KDM5A: variants seen among roughly 807,000 people sequenced by gnomAD.
The protein encoded by KDM5A is lysine-specific demethylase 5A.
In KDM5A, 42 loss-of-function variants were observed where a neutral mutation model predicts 193.5. The observed-to-expected ratio is 0.22, with a 90% CI of 0.17 to 0.28. The LOEUF is 0.28. KDM5A is among the 10% of genes least tolerant of loss of function. The pLI, the probability that KDM5A is intolerant of heterozygous loss-of-function variation, is 1.00. For synonymous variants in KDM5A, 796 were observed against 718.1 expected (o/e 1.11, Z -1.73); for missense variants, 1,692 against 2,055.1 (o/e 0.82, Z 3.42).
At chr12:295,266 A>AAGGAAAAAGCAAAG (rs1555126407) in intron 26 of KDM5A, among the ~76,000 whole-genome samples, 5 of 149,064 alleles carry the variant, frequency 3.4e-5, no homozygotes, top group African/African-American at 1.2e-4. Context: ...GAGAAAGGGG[A>AAGGAAAAAGCAAAG]AGGAAAAAGG....
chr12:298,889 A>C (rs866567498), intron 24 of KDM5A, among the ~76,000 whole-genome samples: 1 of 152,102 alleles, frequency 6.6e-6, no homozygotes, highest in South Asian at 2.1e-4. Context: ...ACAGCACGAG[A>C]ACTTCGTGAA....
At position 309,898 on chromosome 12, in the gene KDM5A, C is replaced by T. The variant is rs1354074967; in HGVS notation, c.3283G>A (p.Glu1095Lys). 2 of 1,613,538 alleles carry T rather than the reference C, an allele frequency of 1.2e-6. No individual in the cohort carries two copies. The change falls in exon 22 of 28, where the codon GAA (glutamate) becomes AAA (lysine). Residue 1095 changes from glutamate to lysine, a missense_variant. Coordinates refer to ENST00000399788, the MANE Select transcript of KDM5A (RefSeq NM_001042603.3). ...TTTTCTTTTTCTTTTTCTATTAGTT[C>T]TTTTACTTTTTTCCTCCTATTTTTG... ...SGKNRRKKVKELIEKEKEKDL... is the reference protein window; with the variant it reads ...SGKNRRKKVKKLIEKEKEKDL...
chr12:323,812 T>A (rs374201991), intron 14 of KDM5A, 31 bp from the exon 15 acceptor site: 7 of 1,571,052 alleles, frequency 4.5e-6, no homozygotes, highest in Non-Finnish European at 6.1e-6. Flanking sequence ...CTAGATCAAG[T>A]CTTTCTAGTC....
At position 281,546 on chromosome 12, in the gene KDM5A, G is replaced by A. The variant is rs1177643509; in HGVS notation, c.*3910C>T. Reference sequence around the variant, plus strand: ...AGTAATGGTATGACTTAAAAAAAAAGGAGGAATTTCAAAAGGAGTACTTAA... The same window carrying A: ...AGTAATGGTATGACTTAAAAAAAAAAGAGGAATTTCAAAAGGAGTACTTAA... On this transcript the variant is annotated 3_prime_UTR_variant, in exon 28 of 28. Coordinates refer to ENST00000399788, the MANE Select transcript of KDM5A (RefSeq NM_001042603.3). The A allele has an allele frequency of 4.3e-6, 1 of 232,948 alleles. No homozygotes were observed. Among genetic ancestry groups the A allele is most frequent in the African/African-American group, 2.2e-5 (1 of 45,304 alleles). 14.4% of individuals were successfully genotyped at this position (232,948 alleles called of 1,614,324 possible).
rs1358942941 is a variant in KDM5A, at chr12:295,759, G to A, written c.4269C>T (p.Ser1423=). Residue 1423 remains serine (S), a synonymous_variant, in exon 26 of 28, where the codon AGC becomes AGT. Transcript: ENST00000399788. ...GTTCCAAACTTCGGGGCACCAAAGG[G>A]CTCTTCCGAGGTTGTTTCCTTGGGG... ...SSTPRKQPRK[S]PLVPRSLEPP... is the part of the protein sequence containing the mutation. 1 of 1,613,984 alleles carries A rather than the reference G, an allele frequency of 6.2e-7. No individual in the cohort carries two copies. Among genetic ancestry groups the A allele is most frequent in the Non-Finnish European group, 8.5e-7 (1 of 1,179,968 alleles).
At chr12:337,424 T>C (rs1943948185) in intron 10 of KDM5A, among the ~76,000 whole-genome samples, 2 of 152,210 alleles carry the variant, frequency 1.3e-5, no homozygotes, top group Admixed American at 1.3e-4. Flanking sequence ...GCTACAAGAA[T>C]GTAAAAGGTA....
intron 3 of KDM5A, among the ~76,000 whole-genome samples, chr12:382,252 A>G (rs1944583411): frequency 6.6e-6 from 1 of 151,974 alleles, no homozygotes. Flanking sequence ...ACCAACATGG[A>G]GAAACCCTGT....
intron 3 of KDM5A, among the ~76,000 whole-genome samples, chr12:370,228 A>G (rs1397823255): frequency 6.6e-6 from 1 of 152,124 alleles, no homozygotes; most frequent in African/African-American, 2.4e-5. Flanking sequence ...CCCTGTCTCT[A>G]CTAAAAATAC....
intron 24 of KDM5A, among the ~76,000 whole-genome samples, chr12:299,656 C>A (rs961793334): frequency 3.9e-5 from 6 of 152,096 alleles, no homozygotes; most frequent in Non-Finnish European, 7.4e-5. Context: ...GGCAAAATAA[C>A]CAGCTAACAT....
intron 15 of KDM5A, among the ~76,000 whole-genome samples, 173 bp from the exon 16 acceptor site, chr12:323,379 C>T (rs11834271): frequency 0.1 from 15,911 of 152,082 alleles, 1,760 homozygotes; most frequent in East Asian, 0.35. Context: ...GCCCACACTT[C>T]TTAATTCAGG....
chr12:321,032 C>T lies in KDM5A; in HGVS notation c.2504G>A (p.Ser835Asn). The T allele has an allele frequency of 6.2e-7, 1 of 1,614,142 alleles. No individual in the cohort carries two copies. ...ELKAFVQQLF[S>N]LPCVISQARQ... The stretch of plus-strand genomic sequence containing the variant: ...AGCTTGGCTGATGACACACGGAAGA[C>T]TAAAAAGTTGTTGGACAAAGGCCTT... The change falls in exon 18 of 28, where the codon AGT (serine) becomes AAT (asparagine). Residue 835 changes from serine to asparagine, a missense_variant. Transcript: ENST00000399788.
intron 19 of KDM5A, among the ~76,000 whole-genome samples, chr12:316,965 C>T (rs1259307951): frequency 2.0e-5 from 3 of 152,278 alleles, no homozygotes; most frequent in East Asian, 1.9e-4. Flanking sequence ...TATGTGATCT[C>T]TCCAGGCACC....
chr12:388,924 T>C lies in KDM5A; in HGVS notation c.165+3A>G. 2 of 1,614,118 alleles carry C rather than the reference T, an allele frequency of 1.2e-6. No individual in the cohort carries two copies. Among genetic ancestry groups the C allele is most frequent in the Non-Finnish European group, 1.7e-6 (2 of 1,180,026 alleles). On this transcript the variant is annotated splice_donor_region_variant and intron_variant, in intron 1 of 27. Coordinates refer to ENST00000399788, the MANE Select transcript of KDM5A (RefSeq NM_001042603.3). ...CCCCCTCTCTCTTCACAGACTGAGG[T>C]ACCTTGGGCGGCCGAATTTTGCAGA...
chr12:352,416 C>A, intron 8 of KDM5A, 92 bp from the exon 9 acceptor site: 1 of 1,173,020 alleles, frequency 8.5e-7, no homozygotes, highest in East Asian at 2.4e-5. Context: ...GATCATTTCC[C>A]TAGGTAAAGT....
At chr12:388,885 C>T (rs747545093) in intron 1 of KDM5A, 42 bp downstream of exon 1, 1 of 1,604,910 alleles carries the variant, frequency 6.2e-7, no homozygotes, top group South Asian at 1.1e-5. Flanking sequence ...ACGGACTCCC[C>T]CATTCTTCCT....
At position 313,189 on chromosome 12, in the gene KDM5A, C is replaced by T. The variant is rs1943611014; in HGVS notation, c.2903G>A (p.Arg968Lys). ...GCTTTCTAAACTTGCCACACTGTGC[C>T]TCGGTCTAAAAGAACAATAAAAACA... is the stretch of plus-strand genomic sequence containing the variant. ...KAKVCLQARP[R>K]HSVASLESIV... The change falls in exon 20 of 28, where the codon AGG becomes AAG. Residue 968 changes from arginine to lysine, a missense_variant. By Grantham distance (26) the Arg-to-Lys change is conservative. Transcript: ENST00000399788. The T allele has an allele frequency of 6.2e-7, 1 of 1,614,038 alleles. No individual in the cohort carries two copies. The highest frequency in any genetic ancestry group is 1.1e-5 in the South Asian group (1 of 91,076).
At chr12:361,523 G>A (rs1565546429) in intron 5 of KDM5A, among the ~76,000 whole-genome samples, 3 of 152,016 alleles carry the variant, frequency 2.0e-5, no homozygotes. Flanking sequence ...ATAAAGAAAA[G>A]CATTAGGAAT....
Position 311,004 on chromosome 12 carries a change from T to C in KDM5A, c.3097A>G (p.Ile1033Val). 1 of 1,614,234 alleles carries C rather than the reference T, an allele frequency of 6.2e-7. No individual in the cohort carries two copies. The highest frequency in any genetic ancestry group is 1.1e-5 in the South Asian group (1 of 91,084). ...LESLSAKGRPIPVRLEALPQV... is the reference protein window; with the variant it reads ...LESLSAKGRPVPVRLEALPQV... ...GGCAGTGCTTCAAGACGCACAGGAA[T>C]AGGGCGTCCTTTCGCAGACAAGCTC... Residue 1033 changes from isoleucine (I) to valine (V), a missense_variant, in exon 21 of 28, where the codon ATT (isoleucine) becomes GTT (valine). Physicochemically the swap from Ile to Val is conservative, Grantham distance 29. Coordinates refer to ENST00000399788, the MANE Select transcript of KDM5A (RefSeq NM_001042603.3).
chr12:280,493 C>T lies in KDM5A; in HGVS notation c.*4963G>A, dbSNP rs1943144111. The T allele has an allele frequency of 4.3e-6, 1 of 232,962 alleles. No individual in the cohort carries two copies. The highest frequency in any genetic ancestry group is 2.2e-5 in the African/African-American group (1 of 45,296). The allele number at this position is 232,962 out of a possible 1,614,324, so 14.4% of individuals were successfully genotyped here. A position where few individuals can be genotyped will look rare whatever the true frequency, so the allele number is the denominator to read the frequency against. On this transcript the variant is annotated 3_prime_UTR_variant, in exon 28 of 28. Coordinates refer to ENST00000399788, the MANE Select transcript of KDM5A (RefSeq NM_001042603.3). Reference sequence around the variant, plus strand: ...TTCAACCAACCCTCCTCCTAACATACACATACAGAGTTACACATTTCATGA... The same window carrying T: ...TTCAACCAACCCTCCTCCTAACATATACATACAGAGTTACACATTTCATGA...
Sources: allele counts gnomAD v4.1 joint callset (sites outside exome capture counted in the v4.1 genomes callset), GRCh38; gene constraint gnomAD v4.1.1; transcripts MANE v1.5; gene names NCBI Gene and HGNC (gene_info 2026-07-23, HGNC 2026-07-21).